Variants in MYH10 observed in about 807,000 individuals in gnomAD.
MYH10 encodes myosin heavy chain 10, also known as myosin-10.
A neutral mutation model predicts 257.8 loss-of-function variants in MYH10; 55 were observed. That is an observed-to-expected ratio of 0.21 (90% CI 0.17 to 0.27). MYH10 has a LOEUF of 0.27. MYH10 is among the 10% of genes least tolerant of loss of function. MYH10 has a pLI of 1.00. For synonymous variants in MYH10, 854 were observed against 921.7 expected (o/e 0.93, Z 1.33); for missense variants, 1,631 against 2,500.6 (o/e 0.65, Z 7.42).
chr17:8,495,103 T>C (rs746296851), intron 31 of MYH10, 34 bp downstream of exon 31: 2 of 1,284,936 alleles, frequency 1.6e-6, no homozygotes, highest in Non-Finnish European at 2.3e-6. Context: ...GAAATGTTAG[T>C]TATTATAAAG....
chr17:8,553,900 G>T, intron 8 of MYH10, 55 bp downstream of exon 8: 1 of 1,442,584 alleles, frequency 6.9e-7, no homozygotes, highest in Non-Finnish European at 9.7e-7. Context: ...CCATGGGGTT[G>T]TAGGAAGACT....
intron 17 of MYH10, among the ~76,000 whole-genome samples, chr17:8,523,435 G>A (rs1597730094): frequency 6.6e-6 from 1 of 152,210 alleles, no homozygotes; most frequent in Non-Finnish European, 1.5e-5. Flanking sequence ...AGAAATGAGT[G>A]GTTAGAGATC....
At chr17:8,625,644 C>T (rs1044165452) in intron 1 of MYH10, among the ~76,000 whole-genome samples, 3 of 152,076 alleles carry the variant, frequency 2.0e-5, no homozygotes, top group African/African-American at 7.2e-5. Flanking sequence ...CCATGACCCG[C>T]TAATTTTTGT....
rs2081249916 is a variant in MYH10 at position 8,511,014 on chromosome 17, C to A, written c.2953-1065G>T. On this transcript the variant is annotated intron_variant, in intron 24 of 42. Transcript: ENST00000360416. ...CCTGTATCAAAACATCTCATGTACC[C>A]CATATATATATATATATATATATAT... The A allele has an allele frequency of 4.1e-5, 3 of 73,526 alleles. No homozygotes were observed. The Admixed American group carries it at 5.3e-4, about 13-fold the overall frequency. 4.6% of individuals were successfully genotyped at this position (73,526 alleles called of 1,614,324 possible).
At chr17:8,540,418 A>G (rs917830443) in intron 14 of MYH10, among the ~76,000 whole-genome samples, 60 of 152,326 alleles carry the variant, frequency 3.9e-4, no homozygotes, top group African/African-American at 1.4e-3. Context: ...ATATGCAAAA[A>G]TGGTATATAA....
chr17:8,596,344 G>A (rs2084370440), intron 3 of MYH10, among the ~76,000 whole-genome samples: 1 of 151,834 alleles, frequency 6.6e-6, no homozygotes, highest in South Asian at 2.1e-4. Flanking sequence ...GAGTAGAGAT[G>A]GGGTTTTCAC....
chr17:8,562,823 T>C (rs761055722), intron 7 of MYH10, among the ~76,000 whole-genome samples: 43 of 152,344 alleles, frequency 2.8e-4, no homozygotes, highest in South Asian at 1.0e-3. Flanking sequence ...AAATGTGCAA[T>C]AGGGAAACCC....
At chr17:8,573,889 AAC>A in intron 6 of MYH10, 2 of 857,422 alleles carry the variant, frequency 2.3e-6, no homozygotes, top group Non-Finnish European at 2.8e-6. Context: ...CTTTAATAAA[AAC>A]ACAGACAATG....
intron 17 of MYH10, among the ~76,000 whole-genome samples, chr17:8,521,863 T>C (rs10775387): frequency 0.5 from 75,728 of 152,048 alleles, 20,014 homozygotes; most frequent in Middle Eastern, 0.61. Flanking sequence ...TAAGCTTCAG[T>C]TCTCTTCTCA....
chr17:8,526,045 C>A (rs1480067789), intron 17 of MYH10, among the ~76,000 whole-genome samples: 4 of 152,232 alleles, frequency 2.6e-5, no homozygotes. Flanking sequence ...CCCGCCTTGG[C>A]CTCTCAAAGT....
chr17:8,546,706 A>G, intron 11 of MYH10, 44 bp from the exon 12 acceptor site: 1 of 1,408,034 alleles, frequency 7.1e-7, no homozygotes, highest in Non-Finnish European at 1.0e-6. Context: ...TTTTACTTAC[A>G]ATCTACTCAC....
chr17:8,585,247 T>C (rs2083860695), intron 4 of MYH10, among the ~76,000 whole-genome samples: 1 of 146,640 alleles, frequency 6.8e-6, no homozygotes, highest in African/African-American at 2.5e-5. Context: ...TATATGTGTA[T>C]ATATCTATAT....
chr17:8,513,975 C>T (rs2081380631), intron 21 of MYH10, 81 bp from the exon 22 acceptor site: 3 of 1,182,842 alleles, frequency 2.5e-6, no homozygotes, highest in Non-Finnish European at 3.6e-6. Context: ...TTTCTAAAGG[C>T]CCGTGTTCTT....
At chr17:8,579,472 C>A (rs1473360089) in intron 4 of MYH10, among the ~76,000 whole-genome samples, 1 of 152,142 alleles carries the variant, frequency 6.6e-6, no homozygotes, top group Non-Finnish European at 1.5e-5. Flanking sequence ...CTTCTCTGGG[C>A]CTCAGTATCC....
chr17:8,513,996 G>A, intron 21 of MYH10, 102 bp from the exon 22 acceptor site: 1 of 973,624 alleles, frequency 1.0e-6, no homozygotes, highest in Non-Finnish European at 1.5e-6. Context: ...CTTTGTCTAG[G>A]ATAGGGAATG....
intron 1 of MYH10, among the ~76,000 whole-genome samples, chr17:8,623,705 CAT>C: frequency 6.6e-6 from 1 of 151,964 alleles, no homozygotes; most frequent in East Asian, 1.9e-4. Context: ...TACAAAAACA[CAT>C]GATTGTCAGA....
At chr17:8,628,881 C>A (rs1051312777) in intron 1 of MYH10, among the ~76,000 whole-genome samples, 1 of 152,222 alleles carries the variant, frequency 6.6e-6, no homozygotes, top group African/African-American at 2.4e-5. Flanking sequence ...ATAATGATTT[C>A]CCTATGGAGC....
At chr17:8,624,777 G>T (rs537163291) in intron 1 of MYH10, among the ~76,000 whole-genome samples, 1 of 152,268 alleles carries the variant, frequency 6.6e-6, no homozygotes, top group South Asian at 2.1e-4. Context: ...CCAACTTCTG[G>T]GCACAATGGC....
intron 30 of MYH10, among the ~76,000 whole-genome samples, chr17:8,498,061 A>T (rs1377724402): frequency 7.3e-6 from 1 of 137,820 alleles, no homozygotes; most frequent in Non-Finnish European, 1.5e-5. Context: ...GGCTCACTGC[A>T]ATCTCCACCT....
Sources: allele counts gnomAD v4.1 joint callset (sites outside exome capture counted in the v4.1 genomes callset), GRCh38; gene constraint gnomAD v4.1.1; transcripts MANE v1.5; gene names NCBI Gene and HGNC (gene_info 2026-07-23, HGNC 2026-07-21).